Variants in PPP1R12B observed in about 807,000 individuals in gnomAD.
PPP1R12B encodes the protein myosin phosphatase target subunit 2.
Under a neutral mutation model 126.1 loss-of-function variants are expected in PPP1R12B, and 76 were observed. The observed-to-expected ratio is 0.60, with a 90% confidence interval of 0.50 to 0.73. The LOEUF is 0.73. PPP1R12B is among the 30% of genes least tolerant of loss of function. The probability of loss-of-function intolerance (pLI) is 0.00; values close to 1 mark genes in which losing one functional copy is unlikely to be tolerated. For synonymous variants in PPP1R12B, 356 were observed against 434.7 expected (o/e 0.82, Z 2.25); for missense variants, 1,052 against 1,205.1 (o/e 0.87, Z 1.88).
intron 18 of PPP1R12B, among the ~76,000 whole-genome samples, chr1:202,529,811 A>C (rs1441102897): frequency 6.6e-6 from 1 of 152,192 alleles, no homozygotes; most frequent in Admixed American, 6.5e-5. Context: ...TTATTTTAAA[A>C]GTTATTCTAA....
chr1:202,368,305 C>G lies in PPP1R12B; in HGVS notation c.291+19163C>G, dbSNP rs535667495. Among the ~76,000 whole-genome samples the G allele has an allele frequency of 2.0e-5, 3 of 151,986 alleles. No homozygotes were observed. The South Asian group carries it at 6.2e-4, about 32-fold the overall frequency. Reference sequence around the variant, plus strand: ...TCATTTAAAAGTGTCTGGCACTGCCCCCCGCAACCTTGCTCCCATTCTCGC... The same window carrying G: ...TCATTTAAAAGTGTCTGGCACTGCCGCCCGCAACCTTGCTCCCATTCTCGC... On this transcript the variant is annotated intron_variant, in intron 1 of 23. Coordinates refer to ENST00000608999, the MANE Select transcript of PPP1R12B (RefSeq NM_002481.4).
At chr1:202,351,362 C>T (rs1655971392) in intron 1 of PPP1R12B, among the ~76,000 whole-genome samples, 1 of 152,046 alleles carries the variant, frequency 6.6e-6, no homozygotes, top group African/African-American at 2.4e-5. Context: ...CATCAGCCTC[C>T]CAAGTAGCTG....
At chr1:202,548,802 CTCTCTCTATATATATATA>C (rs1249025488) in intron 18 of PPP1R12B, among the ~76,000 whole-genome samples, 1 of 95,438 alleles carries the variant, frequency 1.0e-5, no homozygotes, top group Non-Finnish European at 2.2e-5. Flanking sequence ...CTCTCTCTCT[CTCTCTCTATATATATATA>C]TATATATATA....
At chr1:202,466,659 A>G (rs901754699) in intron 13 of PPP1R12B, among the ~76,000 whole-genome samples, 2 of 152,050 alleles carry the variant, frequency 1.3e-5, no homozygotes, top group Non-Finnish European at 2.9e-5. Context: ...AACTTCATGT[A>G]GGCACTCCAT....
intron 1 of PPP1R12B, among the ~76,000 whole-genome samples, chr1:202,358,409 G>A (rs772067509): frequency 6.6e-6 from 1 of 152,128 alleles, no homozygotes; most frequent in African/African-American, 2.4e-5. Context: ...TTGCCCAGGC[G>A]CGGTGGCTCA....
chr1:202,542,206 G>A lies in PPP1R12B; in HGVS notation c.2491-16671G>A, dbSNP rs779306142. Reference sequence around the variant, plus strand: ...TTTCCTCTCATGTCCAACTAATTAGGGTACTCTTTAAAAACTGGTTTTGAG... The same window carrying A: ...TTTCCTCTCATGTCCAACTAATTAGAGTACTCTTTAAAAACTGGTTTTGAG... On this transcript the variant is annotated intron_variant, in intron 18 of 23. Transcript: ENST00000608999. 5.9e-5 allele frequency among the ~76,000 whole-genome samples: 9 copies of A among 152,002 alleles called. No homozygotes were observed. In the South Asian group the frequency reaches 8.3e-4, roughly 14 times the overall value.
At chr1:202,407,667 T>C (rs963043553) in intron 1 of PPP1R12B, among the ~76,000 whole-genome samples, 3 of 152,168 alleles carry the variant, frequency 2.0e-5, no homozygotes, top group African/African-American at 7.2e-5. Context: ...TATATCATGA[T>C]TGGAGTGAAG....
chr1:202,503,002 A>C (rs1397427464), intron 18 of PPP1R12B: 1 of 152,190 alleles, frequency 6.6e-6, no homozygotes, highest in Admixed American at 6.5e-5. Flanking sequence ...TTTGAGCACA[A>C]GAGTGACATG....
chr1:202,522,766 C>T (rs1343837437), intron 18 of PPP1R12B, among the ~76,000 whole-genome samples: 2 of 152,084 alleles, frequency 1.3e-5, no homozygotes, highest in African/African-American at 2.4e-5. Context: ...GCAGCATGAA[C>T]ATCATTTGAA....
chr1:202,550,258 A>G (rs1260477132), intron 18 of PPP1R12B, among the ~76,000 whole-genome samples: 2 of 152,178 alleles, frequency 1.3e-5, no homozygotes, highest in African/African-American at 4.8e-5. Context: ...GCCTAGTCCA[A>G]ATAAAAATAA....
chr1:202,497,768 T>C (rs140778381), intron 18 of PPP1R12B, among the ~76,000 whole-genome samples: 1 of 152,242 alleles, frequency 6.6e-6, no homozygotes, highest in African/African-American at 2.4e-5. Flanking sequence ...GGTGTGGAAA[T>C]AGTATATAGA....
At chr1:202,358,498 C>T (rs1295099480) in intron 1 of PPP1R12B, among the ~76,000 whole-genome samples, 2 of 152,062 alleles carry the variant, frequency 1.3e-5, no homozygotes, top group African/African-American at 2.4e-5. Flanking sequence ...CTGGCTAACA[C>T]GGTGAAACCC....
In PPP1R12B at chr1:202,393,383, C is replaced by T. The variant is rs548639290; in HGVS notation, c.292-23404C>T. The stretch of plus-strand genomic sequence containing the variant: ...CATTGTTAATTAGCAAAACGCAAAT[C>T]GAAACAGTGTTTTTTTTTTTCAGTT... On this transcript the variant is annotated intron_variant, in intron 1 of 23. Transcript: ENST00000608999. Among the ~76,000 whole-genome samples the T allele has an allele frequency of 3.3e-5, 5 of 150,780 alleles. No homozygotes were observed. The South Asian group carries it at 6.3e-4, about 19-fold the overall frequency.
rs544927609 is a variant in PPP1R12B, at chr1:202,456,141, C to T, written c.1850+6970C>T. On this transcript the variant is annotated intron_variant, in intron 13 of 23. Coordinates refer to ENST00000608999, the MANE Select transcript of PPP1R12B (RefSeq NM_002481.4). ...AAAATTAGCCAGGAGTGGTGATGCACGCCTGTAATCCCAGCTACTCAGGAG... is the reference window on the plus strand; with the variant it reads ...AAAATTAGCCAGGAGTGGTGATGCATGCCTGTAATCCCAGCTACTCAGGAG... Among the ~76,000 whole-genome samples the T allele has an allele frequency of 6.6e-5, 10 of 151,740 alleles. No homozygotes were observed. In the South Asian group the frequency reaches 1.7e-3, roughly 25 times the overall value.
chr1:202,558,739 C>T (rs1687212094), intron 18 of PPP1R12B, 138 bp from the exon 19 acceptor site: 1 of 578,078 alleles, frequency 1.7e-6, no homozygotes, highest in Admixed American at 3.5e-5. Flanking sequence ...AATGGCACCC[C>T]CATCTCCAGC....
At chr1:202,444,305 C>T (rs570778915) in intron 12 of PPP1R12B, among the ~76,000 whole-genome samples, 1 of 152,268 alleles carries the variant, frequency 6.6e-6, no homozygotes, top group South Asian at 2.1e-4. Context: ...TCAAGTGTCT[C>T]ATTTCTATTA....
chr1:202,417,021 C>G, intron 2 of PPP1R12B, 104 bp downstream of exon 2: 1 of 1,267,474 alleles, frequency 7.9e-7, no homozygotes, highest in Non-Finnish European at 1.0e-6. Flanking sequence ...TATAATCTCT[C>G]TTTATTACAG....
At chr1:202,553,931 G>A (rs555914505) in intron 18 of PPP1R12B, among the ~76,000 whole-genome samples, 8 of 152,070 alleles carry the variant, frequency 5.3e-5, no homozygotes, top group Non-Finnish European at 1.0e-4. Context: ...CTCCCTGCAG[G>A]GTTGGCAGTC....
chr1:202,549,497 G>T (rs1315173320), intron 18 of PPP1R12B, among the ~76,000 whole-genome samples: 2 of 147,978 alleles, frequency 1.4e-5, no homozygotes, highest in Non-Finnish European at 3.0e-5. Flanking sequence ...TCTGCTCACC[G>T]CAAGCTCTGC....
Sources: allele counts gnomAD v4.1 joint callset (sites outside exome capture counted in the v4.1 genomes callset), GRCh38; gene constraint gnomAD v4.1.1; transcripts MANE v1.5; gene names NCBI Gene and HGNC (gene_info 2026-07-23, HGNC 2026-07-21).